Variants in NEGR1 observed in about 807,000 individuals in gnomAD.
NEGR1 encodes the protein IgLON family member 4.
In NEGR1, 10 loss-of-function variants were observed where a neutral mutation model predicts 40.9. That is an observed-to-expected ratio of 0.24 (90% CI 0.15 to 0.42). The LOEUF is 0.42. Ranked by LOEUF, NEGR1 falls within the 10% of genes least tolerant of loss-of-function variation. NEGR1 has a pLI of 1.00. For synonymous variants in NEGR1, 185 were observed against 166.8 expected (o/e 1.11, Z -0.84); for missense variants, 352 against 438.9 (o/e 0.80, Z 1.77).
At chr1:72,033,898 A>C (rs1646880143) in intron 1 of NEGR1, among the ~76,000 whole-genome samples, 2 of 152,146 alleles carry the variant, frequency 1.3e-5, no homozygotes, top group African/African-American at 4.8e-5. Flanking sequence ...TCAAACTGTA[A>C]AACACCCCCT....
chr1:71,577,427 G>A (rs1649000847), intron 6 of NEGR1, among the ~76,000 whole-genome samples: 2 of 152,124 alleles, frequency 1.3e-5, no homozygotes, highest in African/African-American at 4.8e-5. Context: ...AACAATGTTG[G>A]AGGAGAAGCC....
rs138267473 is a variant in NEGR1 at position 71,746,820 on chromosome 1, T to C, written c.535+29352A>G. ...GATTTCTAAAGTTTCCAAAAAGAAA[T>C]GTATGAATGTTTTCTACAGTTCCAG... On this transcript the variant is annotated intron_variant, in intron 3 of 6. Coordinates refer to ENST00000357731, the MANE Select transcript of NEGR1 (RefSeq NM_173808.3). Among the ~76,000 whole-genome samples, 266 of 151,756 alleles carry C rather than the reference T, an allele frequency of 1.8e-3. 2 individuals carry two copies. Among genetic ancestry groups the C allele is most frequent in the African/African-American group, 6.2e-3 (257 of 41,354 alleles).
chr1:71,660,935 A>G (rs780342768), intron 4 of NEGR1, among the ~76,000 whole-genome samples: 13 of 152,102 alleles, frequency 8.5e-5, no homozygotes, highest in Non-Finnish European at 1.6e-4. Context: ...CCACTTATGA[A>G]TGAGAACATG....
chr1:72,022,836 T>C (rs973561591), intron 1 of NEGR1, among the ~76,000 whole-genome samples: 3 of 152,168 alleles, frequency 2.0e-5, no homozygotes, highest in Non-Finnish European at 4.4e-5. Context: ...AAATTCATAA[T>C]TAAATTCAAT....
chr1:72,000,522 AT>A (rs1646547917), intron 1 of NEGR1, among the ~76,000 whole-genome samples: 1 of 152,158 alleles, frequency 6.6e-6, no homozygotes, highest in African/African-American at 2.4e-5. Context: ...AATTATTTAC[AT>A]TTTTAATAAT....
intron 2 of NEGR1, among the ~76,000 whole-genome samples, chr1:71,909,838 C>A (rs1179978704): frequency 2.0e-5 from 3 of 152,072 alleles, no homozygotes; most frequent in Non-Finnish European, 4.4e-5. Context: ...GATTTATTAA[C>A]CACAAAAGAT....
intron 6 of NEGR1, among the ~76,000 whole-genome samples, chr1:71,559,785 T>C (rs1183125872): frequency 6.6e-6 from 1 of 151,342 alleles, no homozygotes; most frequent in Non-Finnish European, 1.5e-5. Flanking sequence ...ATCAACTGCA[T>C]ACACACTAAA....
intron 1 of NEGR1, among the ~76,000 whole-genome samples, chr1:72,116,449 A>T (rs987531729): frequency 1.3e-5 from 2 of 151,666 alleles, no homozygotes; most frequent in African/African-American, 2.4e-5. Context: ...TACATTTAGC[A>T]CTCTGGATTT....
At chr1:71,994,924 A>C (rs967513713) in intron 1 of NEGR1, among the ~76,000 whole-genome samples, 2 of 149,226 alleles carry the variant, frequency 1.3e-5, no homozygotes, top group African/African-American at 4.9e-5. Flanking sequence ...ACTTCCTGCC[A>C]GGCATCAGTA....
chr1:71,722,986 T>C (rs1025724619), intron 3 of NEGR1, among the ~76,000 whole-genome samples: 1 of 151,940 alleles, frequency 6.6e-6, no homozygotes, highest in African/African-American at 2.4e-5. Context: ...TAGTATTTTA[T>C]ATAAATGGAA....
At chr1:71,752,443 G>A (rs568809384) in intron 3 of NEGR1, among the ~76,000 whole-genome samples, 1 of 152,092 alleles carries the variant, frequency 6.6e-6, no homozygotes, top group Non-Finnish European at 1.5e-5. Context: ...CACAATTTTG[G>A]TTTTACTGGC....
chr1:71,930,777 G>A (rs1196903828), intron 2 of NEGR1, among the ~76,000 whole-genome samples: 2 of 152,110 alleles, frequency 1.3e-5, no homozygotes, highest in East Asian at 1.9e-4. Context: ...CGCTGGGGAC[G>A]GAAGAAGAAG....
intron 6 of NEGR1, among the ~76,000 whole-genome samples, chr1:71,435,125 AAG>A (rs1454743825): frequency 6.6e-6 from 1 of 151,680 alleles, no homozygotes; most frequent in Non-Finnish European, 1.5e-5. Flanking sequence ...AAAAAAAAAA[AAG>A]AGGGAATTAT....
rs112037638 is a variant in NEGR1, at chr1:71,822,936, C to A, written c.410-46639G>T. ...GCCTGCTGAAAGCATAGCTGAAATG[C>A]CAGATTGCAGGCAATAGTCTGAGAG... On this transcript the variant is annotated intron_variant, in intron 2 of 6. Transcript: ENST00000357731. Among the ~76,000 whole-genome samples, 487 of 152,098 alleles carry A rather than the reference C, an allele frequency of 3.2e-3. 3 individuals are homozygous for A. The highest frequency in any genetic ancestry group is 0.011 in the African/African-American group (470 of 41,540).
chr1:71,792,943 C>T (rs956389446), intron 2 of NEGR1, among the ~76,000 whole-genome samples: 2 of 151,876 alleles, frequency 1.3e-5, no homozygotes, highest in African/African-American at 4.8e-5. Context: ...TCTTGGCAGA[C>T]AACTAAATTA....
intron 1 of NEGR1, among the ~76,000 whole-genome samples, chr1:71,947,565 T>G (rs1474000475): frequency 6.6e-6 from 1 of 152,208 alleles, no homozygotes; most frequent in African/African-American, 2.4e-5. Flanking sequence ...CCACCTCTAT[T>G]GCAAAAGAAT....
intron 1 of NEGR1, among the ~76,000 whole-genome samples, chr1:72,218,263 T>C (rs531083769): frequency 1.3e-5 from 2 of 152,078 alleles, no homozygotes; most frequent in South Asian, 2.1e-4. Context: ...ATTAGCCAGA[T>C]CTATACATAT....
At chr1:72,138,056 GA>G (rs374034451) in intron 1 of NEGR1, among the ~76,000 whole-genome samples, 2,471 of 151,578 alleles carry the variant, frequency 0.016, 70 homozygotes, top group African/African-American at 0.057. Flanking sequence ...AAGATATGCT[GA>G]AAAAAAAGTA....
At chr1:72,165,194 T>G (rs1020717626) in intron 1 of NEGR1, among the ~76,000 whole-genome samples, 5 of 152,076 alleles carry the variant, frequency 3.3e-5, no homozygotes, top group Admixed American at 1.3e-4. Flanking sequence ...CAGCTTTCTC[T>G]GTTACATGAA....
Sources: gnomAD v4.1 joint callset for allele counts (sites outside exome capture counted in the v4.1 genomes callset) on GRCh38, gnomAD v4.1.1 for gene constraint, MANE v1.5 for transcripts, NCBI Gene and HGNC (gene_info 2026-07-23, HGNC 2026-07-21) for gene names.